CCNO: variants seen among roughly 807,000 people sequenced by gnomAD.
CCNO encodes the protein cyclin-O.
In CCNO, 24 loss-of-function variants were observed where a neutral mutation model predicts 23.9. The ratio of observed to expected loss-of-function variants is 1.00; its 90% CI spans 0.73 to 1.41. The LOEUF (loss-of-function observed/expected upper bound fraction) is 1.41. Ranked by LOEUF, CCNO falls within the 40% of genes most tolerant of loss-of-function variation. The pLI, the probability that CCNO is intolerant of heterozygous loss-of-function variation, is 0.00. For missense variants in CCNO, 542 were observed against 476.2 expected (o/e 1.14, Z -1.29); for synonymous variants, 241 against 225.7 (o/e 1.07, Z -0.61).
Position 55,231,407 on chromosome 5 carries a change from C to T in CCNO, c.1021G>A (p.Glu341Lys), listed in dbSNP as rs749835747. ...GAGCTCGGGGGCAGGCTGCACTTCTCGCAGATCTGAACGGGCAGCATGTGA... is the reference window on the plus strand; with the variant it reads ...GAGCTCGGGGGCAGGCTGCACTTCTTGCAGATCTGAACGGGCAGCATGTGA... ...LTHMLPVQIC[E>K]KCSLPPSSK The change falls in exon 3 of 3, where the codon GAG becomes AAG. Residue 341 changes from glutamate to lysine, a missense_variant. Glu to Lys is a moderately conservative substitution (Grantham distance 56). Transcript: ENST00000282572. The T allele has an allele frequency of 6.2e-7, 1 of 1,614,068 alleles. No homozygotes were observed. The highest frequency in any genetic ancestry group is 1.3e-5 in the African/African-American group (1 of 75,032).
Position 55,231,260 on chromosome 5 carries a change from C to T in CCNO, c.*115G>A. 1 of 1,188,428 alleles carries T rather than the reference C, an allele frequency of 8.4e-7. No homozygotes were observed. The highest frequency in any genetic ancestry group is 1.4e-5 in the South Asian group (1 of 69,454). 73.6% of individuals were successfully genotyped at this position (1,188,428 alleles called of 1,614,324 possible). ...AGTATCGTACACTATTTACAACCTG[C>T]AGCTGACCAAGCAGGTCCTGAAGCC... On this transcript the variant is annotated 3_prime_UTR_variant, in exon 3 of 3. Transcript: ENST00000282572.
In CCNO at chr5:55,232,929, A is replaced by G. The variant is rs1032646088; in HGVS notation, c.381+214T>C. Reference sequence around the variant, plus strand: ...ACCGTGCCCCAGTAGCCAGCTTGGGACGGGGCAAGTCCCTCAAGCCGTCTA... The same window carrying G: ...ACCGTGCCCCAGTAGCCAGCTTGGGGCGGGGCAAGTCCCTCAAGCCGTCTA... On this transcript the variant is annotated intron_variant, in intron 1 of 2. Coordinates refer to ENST00000282572, the MANE Select transcript of CCNO (RefSeq NM_021147.5). The G allele has an allele frequency of 2.6e-5, 16 of 607,074 alleles. No homozygotes were observed. In the Admixed American group the frequency reaches 3.7e-4, roughly 14 times the overall value. 37.6% of individuals were successfully genotyped at this position (607,074 alleles called of 1,614,324 possible).
Position 55,231,863 on chromosome 5 carries a change from G to C in CCNO, c.568-3C>G. ...ACGCGCGGCGGGTGCACCTCCACCT[G>C]CAACACAGGGCGCACTCAACCCCGC... On this transcript the variant is annotated splice_region_variant and splice_polypyrimidine_tract_variant and intron_variant, in intron 2 of 2. Coordinates refer to ENST00000282572, the MANE Select transcript of CCNO (RefSeq NM_021147.5). 1 of 1,530,600 alleles carries C rather than the reference G, an allele frequency of 6.5e-7. No individual in the cohort carries two copies. Among genetic ancestry groups the C allele is most frequent in the South Asian group, 1.2e-5 (1 of 82,454 alleles). The allele number at this position is 1,530,600 out of a possible 1,614,324, so 94.8% of individuals were successfully genotyped here.
At position 55,231,502 on chromosome 5, in the gene CCNO, G is replaced by A. The variant is rs374567733; in HGVS notation, c.926C>T (p.Pro309Leu). The A allele has an allele frequency of 6.2e-7, 1 of 1,613,742 alleles. No individual in the cohort carries two copies. The highest frequency in any genetic ancestry group is 1.3e-5 in the African/African-American group (1 of 74,940). The change falls in exon 3 of 3, where the codon CCG becomes CTG. Residue 309 changes from proline (P) to leucine (L), a missense_variant. Pro to Leu is a moderately conservative substitution (Grantham distance 98). Transcript: ENST00000282572. ...CATACAGTCCTCCAGCGCCGCCTCC[G>A]GGTGGTCTCCCAGTCGCAAGTCCAC... is the stretch of plus-strand genomic sequence containing the variant. ...RPVDLRLGDH[P>L]EAALEDCMGK...
Position 55,231,576 on chromosome 5 carries a change from C to T in CCNO, c.852G>A (p.Ala284=). Residue 284 remains alanine (A), a synonymous_variant, in exon 3 of 3, where the codon GCG becomes GCA. Transcript: ENST00000282572. The part of the protein sequence containing the change: ...AFTSYSPSLL[A]ICCLALADRM... Reference sequence around the variant, plus strand: ...GGTCCGCCAGCGCCAGGCAGCAGATCGCCAGGAGGGAAGGGGAGTAGCTGG... The same window carrying T: ...GGTCCGCCAGCGCCAGGCAGCAGATTGCCAGGAGGGAAGGGGAGTAGCTGG... 2 of 1,613,540 alleles carry T rather than the reference C, an allele frequency of 1.2e-6. No homozygotes were observed. The highest frequency in any genetic ancestry group is 1.7e-6 in the Non-Finnish European group (2 of 1,179,940).
chr5:55,232,080 C>T (rs543520232), intron 2 of CCNO, among the ~76,000 whole-genome samples: 1 of 151,942 alleles, frequency 6.6e-6, no homozygotes, highest in East Asian at 1.9e-4. Flanking sequence ...AAGGCTTTTT[C>T]GGAGGCTAGA....
intron 2 of CCNO, 24 bp downstream of exon 2, chr5:55,232,337 G>A: frequency 1.2e-6 from 2 of 1,607,726 alleles, no homozygotes; most frequent in Non-Finnish European, 1.7e-6. Flanking sequence ...GATGCCGCGT[G>A]TACCTGTTTG....
rs759603803 is a variant in CCNO, at chr5:55,233,220, C to G, written c.304G>C (p.Gly102Arg). 2.5e-6 allele frequency: 4 copies of G among 1,574,030 alleles called. No individual in the cohort carries two copies. Among genetic ancestry groups the G allele is most frequent in the Non-Finnish European group, 3.4e-6 (4 of 1,162,084 alleles). ...QLDLQTFRDY[G>R]QSCYAFRKAQ... ...TTGCGGAAGGCGTAGCAGCTCTGGC[C>G]GTAGTCGCGGAAGGTCTGTAGATCT... Residue 102 changes from glycine (G) to arginine (R), a missense_variant, in exon 1 of 3, where the codon GGC becomes CGC. Transcript: ENST00000282572.
Position 55,233,150 on chromosome 5 carries a change from T to G in CCNO, c.374A>C (p.Gln125Pro). 1 of 1,543,044 alleles carries G rather than the reference T, an allele frequency of 6.5e-7. No individual in the cohort carries two copies. Among genetic ancestry groups the G allele is most frequent in the African/African-American group, 1.4e-5 (1 of 72,910 alleles). The part of the protein sequence containing the change: ...HFHPREALAR[Q>P]PQVTAESRCK... ...GCTCTACCAGCACCTCACTTGTGGC[T>G]GCCGTGCCAGCGCCTCCCGCGGGTG... is the stretch of plus-strand genomic sequence containing the variant. The change falls in exon 1 of 3, where the codon CAG becomes CCG. Residue 125 changes from glutamine (Q) to proline (P), a missense_variant. By Grantham distance (76) the Gln-to-Pro change is moderately conservative. Transcript: ENST00000282572.
In CCNO at chr5:55,231,752, A is replaced by G; in HGVS notation, c.676T>C (p.Phe226Leu). The change falls in exon 3 of 3, where the codon TTC becomes CTC. Residue 226 changes from phenylalanine to leucine, a missense_variant. Transcript: ENST00000282572. The part of the protein sequence containing the change: ...LECIVLHKLH[F>L]TLGAPTISFF... Reference sequence around the variant, plus strand: ...CTAATGGTGGGCGCACCCAGGGTGAAGTGCAGCTTGTGCAGCACGATGCAC... The same window carrying G: ...CTAATGGTGGGCGCACCCAGGGTGAGGTGCAGCTTGTGCAGCACGATGCAC... 2 of 1,572,906 alleles carry G rather than the reference A, an allele frequency of 1.3e-6. No individual in the cohort carries two copies. The highest frequency in any genetic ancestry group is 2.3e-5 in the South Asian group (2 of 86,062).
In CCNO at chr5:55,233,341, G is replaced by C; in HGVS notation, c.183C>G (p.Phe61Leu). Residue 61 changes from phenylalanine (F) to leucine (L), a missense_variant, in exon 1 of 3, where the codon TTC becomes TTG. Physicochemically the swap from Phe to Leu is conservative, Grantham distance 22. Coordinates refer to ENST00000282572, the MANE Select transcript of CCNO (RefSeq NM_021147.5). ...LPGDSGICDL[F>L]ESPSSGSDGA... Reference sequence around the variant, plus strand: ...CGTCTGAGCCGGAGCTGGGGGACTCGAACAGGTCGCAAATGCCGGAGTCTC... The same window carrying C: ...CGTCTGAGCCGGAGCTGGGGGACTCCAACAGGTCGCAAATGCCGGAGTCTC... 6 of 1,607,460 alleles carry C rather than the reference G, an allele frequency of 3.7e-6. No individual in the cohort carries two copies. Among genetic ancestry groups the C allele is most frequent in the Non-Finnish European group, 5.1e-6 (6 of 1,178,048 alleles).
chr5:55,232,873 C>A (rs918947414), intron 1 of CCNO: 5 of 589,782 alleles, frequency 8.5e-6, no homozygotes, highest in African/African-American at 7.4e-5. Flanking sequence ...CGGTAGGAGT[C>A]CAGACTCAAC....
rs776932769 is a variant in CCNO, at chr5:55,231,642, C to A, written c.786G>T (p.Ala262=). 1.3e-6 allele frequency: 2 copies of A among 1,595,596 alleles called. No individual in the cohort carries two copies. Among genetic ancestry groups the A allele is most frequent in the South Asian group, 1.1e-5 (1 of 89,244 alleles). The part of the protein sequence containing the change: ...ASEALEAQAL[A]RGVAELSLAD... ...CCAGACTCAGCTCTGCCACCCCCCG[C>A]GCCAGGGCTTGCGCTTCCAGAGCTT... Residue 262 remains alanine, a synonymous_variant, in exon 3 of 3, where the codon GCG becomes GCT. Transcript: ENST00000282572.
Position 55,231,320 on chromosome 5 carries a change from T to C in CCNO, c.*55A>G, listed in dbSNP as rs925197910. Reference sequence around the variant, plus strand: ...GACCAGTACTGCACTCTTCTGAGGCTACGGGAGAGGTCCAGCAGCCGGGCC... The same window carrying C: ...GACCAGTACTGCACTCTTCTGAGGCCACGGGAGAGGTCCAGCAGCCGGGCC... On this transcript the variant is annotated 3_prime_UTR_variant, in exon 3 of 3. Transcript: ENST00000282572. 1 of 1,596,024 alleles carries C rather than the reference T, an allele frequency of 6.3e-7. No homozygotes were observed. The highest frequency in any genetic ancestry group is 1.1e-5 in the South Asian group (1 of 86,968).
chr5:55,231,443 T>C lies in CCNO; in HGVS notation c.985A>G (p.Thr329Ala). 6.2e-7 allele frequency: 1 copy of C among 1,614,200 alleles called. No individual in the cohort carries two copies. Among genetic ancestry groups the C allele is most frequent in the South Asian group, 1.1e-5 (1 of 91,088 alleles). The change falls in exon 3 of 3, where the codon ACT (threonine) becomes GCT (alanine). Residue 329 changes from threonine (T) to alanine (A), a missense_variant. Coordinates refer to ENST00000282572, the MANE Select transcript of CCNO (RefSeq NM_021147.5). ...ACGGGCAGCATGTGAGTCAAGGAAG[T>C]ACTGTTTATGGCCACCAGCAGCTGC... is the stretch of plus-strand genomic sequence containing the variant. Reference protein sequence around the residue: ...KLQLLVAINSTSLTHMLPVQI... With the variant: ...KLQLLVAINSASLTHMLPVQI...
In CCNO at chr5:55,231,315, G is replaced by A; in HGVS notation, c.*60C>T. ...CTGTGGACCAGTACTGCACTCTTCT[G>A]AGGCTACGGGAGAGGTCCAGCAGCC... On this transcript the variant is annotated 3_prime_UTR_variant, in exon 3 of 3. Transcript: ENST00000282572. 1 of 1,589,826 alleles carries A rather than the reference G, an allele frequency of 6.3e-7. No individual in the cohort carries two copies. The highest frequency in any genetic ancestry group is 1.2e-5 in the South Asian group (1 of 85,976).
intron 1 of CCNO, 49 bp from the exon 2 acceptor site, chr5:55,232,595 G>C: frequency 6.3e-7 from 1 of 1,580,736 alleles, no homozygotes; most frequent in Non-Finnish European, 8.7e-7. Flanking sequence ...AGGGTGGAGA[G>C]GGACTGTGGA....
Position 55,233,313 on chromosome 5 carries a change from C to A in CCNO, c.211G>T (p.Ala71Ser). The change falls in exon 1 of 3, where the codon GCA becomes TCA. Residue 71 changes from alanine (A) to serine (S), a missense_variant. Physicochemically the swap from Ala to Ser is moderately conservative, Grantham distance 99. Coordinates refer to ENST00000282572, the MANE Select transcript of CCNO (RefSeq NM_021147.5). Reference protein sequence around the residue: ...FESPSSGSDGAESPSAARGGS... With the variant: ...FESPSSGSDGSESPSAARGGS... The stretch of plus-strand genomic sequence containing the variant: ...CCCCGCGCCGCAGAGGGGCTCTCTG[C>A]GCCGTCTGAGCCGGAGCTGGGGGAC... 6.3e-7 allele frequency: 1 copy of A among 1,597,596 alleles called. No homozygotes were observed. The highest frequency in any genetic ancestry group is 8.5e-7 in the Non-Finnish European group (1 of 1,173,642).
rs1359521554 is a variant in CCNO at position 55,233,368 on chromosome 5, C to T, written c.156G>A (p.Pro52=). The change falls in exon 1 of 3, where the codon CCG becomes CCA. Residue 52 remains proline (P), a synonymous_variant. Coordinates refer to ENST00000282572, the MANE Select transcript of CCNO (RefSeq NM_021147.5). ...ACAGGTCGCAAATGCCGGAGTCTCC[C>T]GGGAGCGGGCACGGGTTCAGGGGAT... ...PLHPLNPCPL[P]GDSGICDLFE... is the part of the protein sequence containing the mutation. 1.2e-6 allele frequency: 2 copies of T among 1,610,124 alleles called. No homozygotes were observed. Among genetic ancestry groups the T allele is most frequent in the Non-Finnish European group, 1.7e-6 (2 of 1,179,116 alleles).
Sources: allele counts gnomAD v4.1 joint callset (sites outside exome capture counted in the v4.1 genomes callset), GRCh38; gene constraint gnomAD v4.1.1; transcripts MANE v1.5; gene names NCBI Gene and HGNC (gene_info 2026-07-23, HGNC 2026-07-21).